The following DENND1B variants were observed in gnomAD, a reference collection of about 807,000 sequenced individuals.
The protein encoded by DENND1B is DENN domain containing 1B.
In DENND1B, 59 loss-of-function variants were observed where a neutral mutation model predicts 90.1. That is an observed-to-expected ratio of 0.65 (90% confidence interval 0.53 to 0.81). The LOEUF (loss-of-function observed/expected upper bound fraction) is 0.81, where lower values mean the gene tolerates loss of function less well. Among genes scored for constraint, DENND1B ranks in the 40% least tolerant of loss-of-function variants. The pLI is 0.00. For missense variants in DENND1B, 862 were observed against 912.6 expected (o/e 0.94, Z 0.71); for synonymous variants, 337 against 324.6 (o/e 1.04, Z -0.41).
intron 7 of DENND1B, among the ~76,000 whole-genome samples, chr1:197,650,815 A>G (rs1653063314): frequency 6.6e-6 from 1 of 152,158 alleles, no homozygotes; most frequent in Admixed American, 6.5e-5. Context: ...GAGCTAAGCT[A>G]TGAGGACGCA....
chr1:197,741,554 TTAAAG>T (rs2102366494), intron 2 of DENND1B, among the ~76,000 whole-genome samples: 1 of 152,254 alleles, frequency 6.6e-6, no homozygotes, highest in South Asian at 2.1e-4. Flanking sequence ...AATTGACAAT[TTAAAG>T]TAATTATAAA....
At chr1:197,638,836 T>C (rs759137854) in intron 10 of DENND1B, among the ~76,000 whole-genome samples, 1 of 150,954 alleles carries the variant, frequency 6.6e-6, no homozygotes, top group Admixed American at 6.7e-5. Context: ...TACTTGACAA[T>C]GTATAAATCA....
Position 197,672,153 on chromosome 1 carries a change from C to T in DENND1B, c.180G>A (p.Val60=), listed in dbSNP as rs919079106. The T allele has an allele frequency of 1.9e-6, 3 of 1,608,518 alleles. No homozygotes were observed. Among genetic ancestry groups the T allele is most frequent in the Non-Finnish European group, 2.5e-6 (3 of 1,177,610 alleles). ...KFCFPFDVER[V]SQNQVGQHFT... is the part of the protein sequence containing the mutation. ...AGTGCTGTCCAACTTGATTCTGAGA[C>T]ACCCTAAAATATAGTAACATTAGGA... is the stretch of plus-strand genomic sequence containing the variant. Residue 60 remains valine (V), a synonymous_variant, in exon 5 of 23, where the codon GTG becomes GTA. Transcript: ENST00000620048.
intron 15 of DENND1B, among the ~76,000 whole-genome samples, chr1:197,574,509 A>G (rs1260769772): frequency 2.0e-5 from 3 of 152,210 alleles, no homozygotes; most frequent in African/African-American, 7.2e-5. Flanking sequence ...GAAAATGGCC[A>G]TACTGCCCAA....
chr1:197,770,792 ATC>A (rs1656450945), intron 2 of DENND1B, among the ~76,000 whole-genome samples: 2 of 141,206 alleles, frequency 1.4e-5, no homozygotes, highest in African/African-American at 5.2e-5. Context: ...ATAAATATAT[ATC>A]TATAAATATA....
rs551836552 is a variant in DENND1B at position 197,510,616 on chromosome 1, C to T, written c.2172G>A (p.Ser724=). 30 of 1,612,772 alleles carry T rather than the reference C, an allele frequency of 1.9e-5. No individual in the cohort carries two copies. The highest frequency in any genetic ancestry group is 2.7e-5 in the African/African-American group (2 of 74,882). The change falls in exon 23 of 23, where the codon TCG becomes TCA. Residue 724 remains serine (S), a synonymous_variant. Transcript: ENST00000620048. ...LLIPGLGRHS[S]TFVPWEKEGK... is the part of the protein sequence containing the mutation. ...CTTCTTTCTCCCAAGGAACAAAAGTCGATGAATGCCGCCCAAGACCGGGTA... is the reference window on the plus strand; with the variant it reads ...CTTCTTTCTCCCAAGGAACAAAAGTTGATGAATGCCGCCCAAGACCGGGTA...
Position 197,509,724 on chromosome 1 carries a change from G to A in DENND1B, c.*736C>T, listed in dbSNP as rs768261821. The A allele has an allele frequency of 6.6e-6, 1 of 151,160 alleles. No individual in the cohort carries two copies. Among genetic ancestry groups the A allele is most frequent in the African/African-American group, 2.4e-5 (1 of 41,058 alleles). 9.4% of individuals were successfully genotyped at this position (151,160 alleles called of 1,614,324 possible). ...AGGCATACAGAGAGACTGAAAACTC[G>A]TTAGAGTGTCTCATTTGTAAACAGA... On this transcript the variant is annotated 3_prime_UTR_variant, in exon 23 of 23. Transcript: ENST00000620048.
intron 2 of DENND1B, among the ~76,000 whole-genome samples, chr1:197,719,081 G>C (rs10436914): frequency 1.3e-5 from 2 of 152,084 alleles, no homozygotes; most frequent in Non-Finnish European, 2.9e-5. Flanking sequence ...TAACACCACA[G>C]TAAGATGAGC....
In DENND1B at chr1:197,642,735, C is replaced by A; in HGVS notation, c.648G>T (p.Val216=). Reference sequence around the variant, plus strand: ...CAGTGCTTAATTTGCTCGAGATAATCACGATGCGCCTTTCATGCAGCATAC... The same window carrying A: ...CAGTGCTTAATTTGCTCGAGATAATAACGATGCGCCTTTCATGCAGCATAC... ...YASMLHERRI[V]IISSKLSTLT... Residue 216 remains valine (V), a synonymous_variant, in exon 10 of 23, where the codon GTG becomes GTT. Coordinates refer to ENST00000620048, the MANE Select transcript of DENND1B (RefSeq NM_001195215.2). 6.2e-7 allele frequency: 1 copy of A among 1,613,284 alleles called. No homozygotes were observed. Among genetic ancestry groups the A allele is most frequent in the South Asian group, 1.1e-5 (1 of 90,976 alleles).
intron 10 of DENND1B, among the ~76,000 whole-genome samples, chr1:197,624,962 A>C (rs1330172023): frequency 1.3e-5 from 2 of 152,016 alleles, no homozygotes; most frequent in Admixed American, 1.3e-4. Context: ...AGGGAAATTT[A>C]GAGAAAAAAG....
intron 20 of DENND1B, among the ~76,000 whole-genome samples, chr1:197,539,515 A>C (rs796993380): frequency 1.3e-5 from 2 of 152,348 alleles, no homozygotes; most frequent in African/African-American, 2.4e-5. Context: ...AAGAAGCTTT[A>C]ACTATTTATA....
chr1:197,618,813 A>T (rs1677888642), intron 10 of DENND1B, among the ~76,000 whole-genome samples: 1 of 151,156 alleles, frequency 6.6e-6, no homozygotes, highest in African/African-American at 2.4e-5. Flanking sequence ...CTTTCTATAA[A>T]CCGTTTTCTC....
At chr1:197,721,070 T>TTC (rs1446756009) in intron 2 of DENND1B, among the ~76,000 whole-genome samples, 1 of 141,100 alleles carries the variant, frequency 7.1e-6, no homozygotes, top group Non-Finnish European at 1.5e-5. Context: ...ACGGCATTTT[T>TTC]TTTTTTTTTT....
chr1:197,515,072 C>G (rs1282807012), intron 20 of DENND1B, among the ~76,000 whole-genome samples: 1 of 151,586 alleles, frequency 6.6e-6, no homozygotes, highest in African/African-American at 2.4e-5. Flanking sequence ...AGTTCCCAAT[C>G]TAGATAATTG....
chr1:197,686,376 A>C (rs944130088), intron 3 of DENND1B, among the ~76,000 whole-genome samples: 1 of 152,180 alleles, frequency 6.6e-6, no homozygotes, highest in African/African-American at 2.4e-5. Flanking sequence ...AAAAAGAATA[A>C]CTAAAATAGT....
At chr1:197,638,015 T>C (rs966785863) in intron 10 of DENND1B, among the ~76,000 whole-genome samples, 1 of 152,180 alleles carries the variant, frequency 6.6e-6, no homozygotes, top group Non-Finnish European at 1.5e-5. Context: ...ATAATCCAGA[T>C]GAAGAGGTTA....
Position 197,647,122 on chromosome 1 carries a change from T to C in DENND1B, c.448-8A>G, listed in dbSNP as rs968154565. 3.5e-6 allele frequency: 5 copies of C among 1,433,562 alleles called. No homozygotes were observed. Among genetic ancestry groups the C allele is most frequent in the Non-Finnish European group, 4.5e-6 (5 of 1,099,108 alleles). 88.8% of individuals were successfully genotyped at this position (1,433,562 alleles called of 1,614,324 possible). ...AATAAATATCTCTTGGTTCTTATAA[T>C]ACATGAGAGAAAAAAATGAATATTT... On this transcript the variant is annotated splice_polypyrimidine_tract_variant and splice_region_variant and intron_variant, in intron 7 of 22. Transcript: ENST00000620048.
chr1:197,640,298 C>T (rs1349688542), intron 10 of DENND1B, among the ~76,000 whole-genome samples: 1 of 151,834 alleles, frequency 6.6e-6, no homozygotes, highest in Non-Finnish European at 1.5e-5. Flanking sequence ...CATAGTGAAA[C>T]CCCGTCTCTA....
At chr1:197,607,658 G>A (rs997813096) in intron 12 of DENND1B, among the ~76,000 whole-genome samples, 7 of 150,654 alleles carry the variant, frequency 4.6e-5, no homozygotes, top group African/African-American at 1.7e-4. Context: ...TGTTGGTGAT[G>A]AGGACTGAAA....
Sources: gnomAD v4.1 joint callset for allele counts (sites outside exome capture counted in the v4.1 genomes callset) on GRCh38, gnomAD v4.1.1 for gene constraint, MANE v1.5 for transcripts, NCBI Gene and HGNC (gene_info 2026-07-23, HGNC 2026-07-21) for gene names.